Variants in RUNX1 observed in about 807,000 individuals in gnomAD.
RUNX1 encodes RUNX family transcription factor 1.
A neutral mutation model predicts 42.8 loss-of-function variants in RUNX1; 19 were observed. The observed-to-expected ratio is 0.44, with a 90% CI of 0.31 to 0.65. The LOEUF is 0.65. Ranked by LOEUF, RUNX1 falls within the 30% of genes least tolerant of loss-of-function variation. The probability of loss-of-function intolerance (pLI) is 0.07; values close to 1 mark genes in which losing one functional copy is unlikely to be tolerated. For synonymous variants in RUNX1, 271 were observed against 289.4 expected (o/e 0.94, Z 0.64); for missense variants, 528 against 672.0 (o/e 0.79, Z 2.37).
At chr21:34,930,034 C>A (rs1195260658) in intron 2 of RUNX1, among the ~76,000 whole-genome samples, 1 of 150,862 alleles carries the variant, frequency 6.6e-6, no homozygotes, top group African/African-American at 2.4e-5. Context: ...AGAATAAATT[C>A]TTTCTCTCTC....
In RUNX1 at chr21:34,907,066, T is replaced by C. The variant is rs139937058; in HGVS notation, c.59-14103A>G. Among the ~76,000 whole-genome samples, 1 of 152,342 alleles carries C rather than the reference T, an allele frequency of 6.6e-6. No homozygotes were observed. Among genetic ancestry groups the C allele is most frequent in the East Asian group, 1.9e-4 (1 of 5,194 alleles). ...TATTGTCATTAGTATTCATTATTCA[T>C]GAGGACTTGATCGTGTATTCAAAGT... On this transcript the variant is annotated intron_variant, in intron 2 of 8. Transcript: ENST00000675419. The surrounding 1 kb of genome is among the most constrained non-coding windows in gnomAD (Gnocchi z 5.3).
chr21:34,812,230 C>T (rs1036123297), intron 7 of RUNX1, among the ~76,000 whole-genome samples: 1 of 152,116 alleles, frequency 6.6e-6, no homozygotes, highest in Non-Finnish European at 1.5e-5. Context: ...TCTAAGTTCC[C>T]CTGCTGCAGT....
intron 5 of RUNX1, among the ~76,000 whole-genome samples, chr21:34,873,875 A>G (rs1211844178): frequency 6.6e-6 from 1 of 152,226 alleles, no homozygotes; most frequent in Non-Finnish European, 1.5e-5. Context: ...CCTGAAGTCC[A>G]GGAATGCATG....
chr21:34,981,644 GAAT>G, intron 2 of RUNX1, among the ~76,000 whole-genome samples: 1 of 152,288 alleles, frequency 6.6e-6, no homozygotes, highest in Admixed American at 6.5e-5. Flanking sequence ...ATGGAATTCA[GAAT>G]AATATTATTT....
chr21:34,859,244 C>T (rs1383006665), intron 6 of RUNX1: 5 of 578,348 alleles, frequency 8.6e-6, no homozygotes, highest in Admixed American at 3.0e-5. Context: ...ATTCAGTCAG[C>T]CTAATTTCCT....
At chr21:35,002,426 A>AT (rs1555914372) in intron 2 of RUNX1, among the ~76,000 whole-genome samples, 22 of 129,196 alleles carry the variant, frequency 1.7e-4, no homozygotes, top group Non-Finnish European at 2.8e-4. Context: ...TTATTTATTT[A>AT]TTATTTATTT....
chr21:35,019,934 G>A (rs188103698), intron 2 of RUNX1, among the ~76,000 whole-genome samples: 2 of 152,220 alleles, frequency 1.3e-5, no homozygotes, highest in Admixed American at 6.5e-5. Flanking sequence ...GCCCTTATCA[G>A]GAAGCTGTCA....
intron 2 of RUNX1, among the ~76,000 whole-genome samples, chr21:34,902,619 T>C (rs1264754492): frequency 2.6e-5 from 4 of 152,212 alleles, no homozygotes; most frequent in Non-Finnish European, 5.9e-5. Flanking sequence ...TTTAGAGTTA[T>C]TGATGACTGG....
rs972780171 is a variant in RUNX1, at chr21:34,794,691, C to T, written c.968-2081G>A. Among the ~76,000 whole-genome samples, 8 of 152,136 alleles carry T rather than the reference C, an allele frequency of 5.3e-5. 1 individual carries two copies. In the South Asian group the frequency reaches 6.2e-4, roughly 12 times the overall value. On this transcript the variant is annotated intron_variant, in intron 8 of 8. Transcript: ENST00000675419. ...ACCTACAGGCCGCCCTTGGGAACTA[C>T]GGAGGATTTGTGTATTAGGCAGGGT...
chr21:35,018,798 T>C (rs570144037), intron 2 of RUNX1, among the ~76,000 whole-genome samples: 1 of 152,108 alleles, frequency 6.6e-6, no homozygotes, highest in Non-Finnish European at 1.5e-5. Context: ...CCTCCCACAG[T>C]CCCCCTCAGT....
At chr21:34,887,327 G>A (rs2058013286) in intron 3 of RUNX1, 2 of 1,450,186 alleles carry the variant, frequency 1.4e-6, no homozygotes, top group Admixed American at 5.0e-5. Flanking sequence ...TCTGCGGATC[G>A]GCCTCTGACC....
At chr21:35,009,387 C>G (rs1409842160) in intron 2 of RUNX1, among the ~76,000 whole-genome samples, 1 of 152,144 alleles carries the variant, frequency 6.6e-6, no homozygotes, top group Admixed American at 6.5e-5. Flanking sequence ...CTGCACAAAC[C>G]CCACCGAGTG....
In RUNX1 at chr21:34,953,732, G is replaced by A. The variant is rs530535147; in HGVS notation, c.59-60769C>T. Reference sequence around the variant, plus strand: ...AAAAGATATATTTATTAGTCTTTAGGAAAGACAAATCCACAACTCACTACA... The same window carrying A: ...AAAAGATATATTTATTAGTCTTTAGAAAAGACAAATCCACAACTCACTACA... On this transcript the variant is annotated intron_variant, in intron 2 of 8. Transcript: ENST00000675419. Among the ~76,000 whole-genome samples the A allele has an allele frequency of 3.9e-5, 6 of 152,300 alleles. No individual in the cohort carries two copies. The South Asian group carries it at 1.2e-3, about 32-fold the overall frequency.
chr21:34,845,641 T>C (rs563748849), intron 6 of RUNX1, among the ~76,000 whole-genome samples: 38 of 152,256 alleles, frequency 2.5e-4, no homozygotes, highest in Admixed American at 1.0e-3. Context: ...ACAGCCCTCA[T>C]AAACTGCCGC....
intron 6 of RUNX1, among the ~76,000 whole-genome samples, chr21:34,844,271 G>A (rs920544615): frequency 6.6e-6 from 1 of 152,218 alleles, no homozygotes; most frequent in Non-Finnish European, 1.5e-5. Context: ...ACAGAACGCT[G>A]CCTGGAGCTT....
intron 2 of RUNX1, among the ~76,000 whole-genome samples, chr21:34,968,998 C>T (rs2058740914): frequency 6.6e-6 from 1 of 152,126 alleles, no homozygotes; most frequent in East Asian, 1.9e-4. Flanking sequence ...CATTTAGAAA[C>T]TGTTGAGCAG....
chr21:35,049,163 C>G lies in RUNX1; in HGVS notation c.-60+5G>C, dbSNP rs961720554. ...CCGCCTTGGCTGTGGGTTGGTGATG[C>G]TCACCACGCTGCGAAACCCTGTGGT... On this transcript the variant is annotated splice_donor_5th_base_variant and intron_variant, in intron 1 of 8. Transcript: ENST00000675419. 5.4e-5 allele frequency: 26 copies of G among 483,830 alleles called. No individual in the cohort carries two copies. Among genetic ancestry groups the G allele is most frequent in the African/African-American group, 4.9e-4 (25 of 51,136 alleles). 30.0% of individuals were successfully genotyped at this position (483,830 alleles called of 1,614,324 possible).
At chr21:34,924,825 T>G (rs1234677307) in intron 2 of RUNX1, among the ~76,000 whole-genome samples, 1 of 152,180 alleles carries the variant, frequency 6.6e-6, no homozygotes, top group Non-Finnish European at 1.5e-5. Flanking sequence ...AGTCTAAGAT[T>G]AAGATTCAGC....
intron 2 of RUNX1, among the ~76,000 whole-genome samples, chr21:34,998,895 C>T (rs761675572): frequency 2.6e-5 from 4 of 152,204 alleles, no homozygotes; most frequent in Non-Finnish European, 4.4e-5. Context: ...ACTAAATATC[C>T]ACCCATGAAG....
Sources: allele counts gnomAD v4.1 joint callset (sites outside exome capture counted in the v4.1 genomes callset), GRCh38; gene constraint gnomAD v4.1.1; non-coding constraint Gnocchi (gnomAD v3.1); transcripts MANE v1.5; gene names NCBI Gene and HGNC (gene_info 2026-07-23, HGNC 2026-07-21).